Variants in CHST5 observed in about 807,000 individuals in gnomAD.
CHST5 encodes carbohydrate sulfotransferase 5.
For synonymous variants in CHST5, 313 were observed against 279.2 expected (o/e 1.12, Z -1.21); for missense variants, 637 against 602.1 (o/e 1.06, Z -0.61).
intron 2 of CHST5, among the ~76,000 whole-genome samples, chr16:75,534,057 A>T (rs1333940939): frequency 6.6e-6 from 1 of 151,176 alleles, no homozygotes; most frequent in Non-Finnish European, 1.5e-5. Flanking sequence ...AAAAAAAAAA[A>T]AAAAAATTAG....
At chr16:75,535,853 T>C (rs961830523) in intron 1 of CHST5, among the ~76,000 whole-genome samples, 191 bp downstream of exon 1, 2 of 152,268 alleles carry the variant, frequency 1.3e-5, no homozygotes, top group African/African-American at 2.4e-5. Context: ...CAAATGAACG[T>C]TGTAACCCTT....
chr16:75,533,866 C>T (rs961414632), intron 2 of CHST5, among the ~76,000 whole-genome samples: 2 of 151,670 alleles, frequency 1.3e-5, no homozygotes, highest in African/African-American at 4.8e-5. Flanking sequence ...AAGGCAAAAC[C>T]TATCTCTACT....
Position 75,530,921 on chromosome 16 carries a change from T to A in CHST5, c.-537A>T. On this transcript the variant is annotated 5_prime_UTR_variant, in exon 4 of 4. It removes the in-frame stop codon of an upstream open reading frame in the 5' UTR. Transcript: ENST00000336257. ...AGGATCTGGGGGGATTGGGGGGTTA[T>A]TATAATGAAGATGGGGGAAGGGAAC... is the stretch of plus-strand genomic sequence containing the variant. The A allele has an allele frequency of 1.0e-6, 1 of 1,003,232 alleles. No homozygotes were observed. The highest frequency in any genetic ancestry group is 1.7e-5 in the African/African-American group (1 of 57,202). The allele number at this position is 1,003,232 out of a possible 1,614,324, so 62.1% of individuals were successfully genotyped here.
In CHST5 at chr16:75,529,848, T is replaced by G. The variant is rs8048818; in HGVS notation, c.537A>C (p.Pro179=). ...GGCAGGCCTCCCGGGCCAGGCTGAA[T>G]GGCTGCCGCGTGCACAGTGTCTTGC... ...DVCKTLCTRQ[P]FSLAREACRS... The change falls in exon 4 of 4, where the codon CCA becomes CCC. Residue 179 remains proline, a synonymous_variant. Coordinates refer to ENST00000336257, the MANE Select transcript of CHST5 (RefSeq NM_024533.5). 312,155 of 1,613,152 alleles carry G rather than the reference T, an allele frequency of 0.19. 32,069 individuals are homozygous for G. The highest frequency in any genetic ancestry group is 0.32 in the African/African-American group (24,360 of 74,962).
At position 75,530,213 on chromosome 16, in the gene CHST5, C is replaced by T. The variant is rs111693063; in HGVS notation, c.172G>A (p.Gly58Ser). 8.2e-5 allele frequency: 133 copies of T among 1,613,642 alleles called. 1 individual carries two copies. In the South Asian group the frequency reaches 1.2e-3, roughly 15 times the overall value. ...ISRPGPSSPAGGEDRVHVLVL... is the reference protein window; with the variant it reads ...ISRPGPSSPASGEDRVHVLVL... ...AGCACGTGCACACGATCCTCGCCGC[C>T]GGCTGGGGATGAGGGCCCTGGCCGG... The change falls in exon 4 of 4, where the codon GGC becomes AGC. Residue 58 changes from glycine (G) to serine (S), a missense_variant. Gly to Ser is a moderately conservative substitution (Grantham distance 56, BLOSUM62 0). Coordinates refer to ENST00000336257, the MANE Select transcript of CHST5 (RefSeq NM_024533.5).
In CHST5 at chr16:75,536,072, C is replaced by T. The variant is rs1366998874; in HGVS notation, c.-1663G>A. ...GATGACACAGGAATCCGTGCTGCCT[C>T]CCGGTGCAGTGTCCCAGCTGGGAGG... On this transcript the variant is annotated 5_prime_UTR_variant, in exon 1 of 4. Transcript: ENST00000336257. Among the ~76,000 whole-genome samples, 1 of 152,208 alleles carries T rather than the reference C, an allele frequency of 6.6e-6. No individual in the cohort carries two copies. Among genetic ancestry groups the T allele is most frequent in the Non-Finnish European group, 1.5e-5 (1 of 68,024 alleles).
Position 75,528,996 on chromosome 16 carries a change from C to T in CHST5, c.*153G>A, listed in dbSNP as rs568353479. ...AACCGAGAATCAGGAGAGAAAGAAA[C>T]GTGCAGTCCTTGCCTACTTCAGGGG... On this transcript the variant is annotated 3_prime_UTR_variant, in exon 4 of 4. Transcript: ENST00000336257. 5.5e-6 allele frequency: 4 copies of T among 725,398 alleles called. No homozygotes were observed. The highest frequency in any genetic ancestry group is 5.7e-5 in the East Asian group (2 of 34,930). The allele number at this position is 725,398 out of a possible 1,614,324, so 44.9% of individuals were successfully genotyped here. A position where few individuals can be genotyped will look rare whatever the true frequency, so the allele number is the denominator to read the frequency against.
rs1567428482 is a variant in CHST5 at position 75,529,632 on chromosome 16, GT to G, written c.752del (p.Asn251ThrfsTer13). The G allele has an allele frequency of 3.1e-6, 5 of 1,611,182 alleles. No individual in the cohort carries two copies. The highest frequency in any genetic ancestry group is 4.2e-6 in the Non-Finnish European group (5 of 1,178,986). On this transcript the variant is annotated frameshift_variant, in exon 4 of 4. Coordinates refer to ENST00000336257, the MANE Select transcript of CHST5 (RefSeq NM_024533.5). LOFTEE classifies it low-confidence loss of function (END_TRUNC). ...ARDNGIVLGTNGKWVEADPHL... is the reference protein window; with the variant it reads ...ARDNGIVLGTXGKWVEADPHL... ...GAGGGTCGGCCTCCACCCACTTGCC[GT>G]TGGTGCCCAGCACGATGCCGTTGTC...
At position 75,533,146 on chromosome 16, in the gene CHST5, CAG is replaced by C. The variant is rs1004012477; in HGVS notation, c.-1316_-1315del. 4 of 702,404 alleles carry C rather than the reference CAG, an allele frequency of 5.7e-6. No individual in the cohort carries two copies. Among genetic ancestry groups the C allele is most frequent in the South Asian group, 1.5e-5 (1 of 67,600 alleles). The allele number at this position is 702,404 out of a possible 1,614,324, so 43.5% of individuals were successfully genotyped here. A position where few individuals can be genotyped will look rare whatever the true frequency, so the allele number is the denominator to read the frequency against. On this transcript the variant is annotated 5_prime_UTR_variant, in exon 3 of 4. Transcript: ENST00000336257. ...GGTGGTTGAATCACTCTATGCCACA[CAG>C]AGTCTCCAGAAGACCAGTTCCTCAC... is the stretch of plus-strand genomic sequence containing the variant.
Position 75,535,501 on chromosome 16 carries a change from C to T in CHST5, c.-1634-92G>A, listed in dbSNP as rs1257383669. On this transcript the variant is annotated intron_variant, in intron 1 of 3. Coordinates refer to ENST00000336257, the MANE Select transcript of CHST5 (RefSeq NM_024533.5). ...GAAGGACCCGGCGCAGAGCTCCCTC[C>T]GGAGCCCGGCACTGCGGCCCGCGCC... Among the ~76,000 whole-genome samples the T allele has an allele frequency of 2.6e-5, 4 of 152,210 alleles. No individual in the cohort carries two copies. In the East Asian group the frequency reaches 5.8e-4, roughly 22 times the overall value.
rs377370411 is a variant in CHST5 at position 75,536,100 on chromosome 16, T to C, written c.-1691A>G. Among the ~76,000 whole-genome samples, 3 of 151,656 alleles carry C rather than the reference T, an allele frequency of 2.0e-5. No individual in the cohort carries two copies. The highest frequency in any genetic ancestry group is 2.9e-5 in the Non-Finnish European group (2 of 67,902). On this transcript the variant is annotated 5_prime_UTR_variant, in exon 1 of 4. Transcript: ENST00000336257. ...GGTGCAGTGTCCCAGCTGGGAGGAG[T>C]TGAAAGACCAGGTGGCCTTAGGAGC...
In CHST5 at chr16:75,530,736, G is replaced by C; in HGVS notation, c.-352C>G. ...GTGGAGCTAAAAGGGCTTGATGGGG[G>C]CTTCGGTGGATGTCAGAGCACCACC... On this transcript the variant is annotated 5_prime_UTR_variant, in exon 4 of 4. Transcript: ENST00000336257. The C allele has an allele frequency of 9.4e-7, 1 of 1,068,814 alleles. No individual in the cohort carries two copies. The highest frequency in any genetic ancestry group is 1.7e-5 in the African/African-American group (1 of 59,724). 66.2% of individuals were successfully genotyped at this position (1,068,814 alleles called of 1,614,324 possible). A position where few individuals can be genotyped will look rare whatever the true frequency, so the allele number is the denominator to read the frequency against.
rs749508808 is a variant in CHST5 at position 75,529,488 on chromosome 16, C to T, written c.897G>A (p.Ala299=). The T allele has an allele frequency of 9.9e-6, 16 of 1,611,706 alleles. No homozygotes were observed. Among genetic ancestry groups the T allele is most frequent in the African/African-American group, 1.3e-5 (1 of 74,928 alleles). Residue 299 remains alanine (A), a synonymous_variant, in exon 4 of 4, where the codon GCG becomes GCA. Coordinates refer to ENST00000336257, the MANE Select transcript of CHST5 (RefSeq NM_024533.5). ...RYRLVRFEDL[A]REPLAEIRAL... ...CGCGGATCTCTGCCAGCGGCTCCCG[C>T]GCCAGGTCCTCGAAGCGCACCAGGC...
Position 75,530,654 on chromosome 16 carries a change from C to T in CHST5, c.-270G>A. 1 of 1,312,938 alleles carries T rather than the reference C, an allele frequency of 7.6e-7. No individual in the cohort carries two copies. Among genetic ancestry groups the T allele is most frequent in the Non-Finnish European group, 9.8e-7 (1 of 1,024,620 alleles). The allele number at this position is 1,312,938 out of a possible 1,614,324, so 81.3% of individuals were successfully genotyped here. On this transcript the variant is annotated 5_prime_UTR_variant, in exon 4 of 4. Transcript: ENST00000336257. Reference sequence around the variant, plus strand: ...ATCTGTAGAGAGAAATACTATGTTTCAAAGAGAACTCCTGTCTTTTGCTTC... The same window carrying T: ...ATCTGTAGAGAGAAATACTATGTTTTAAAGAGAACTCCTGTCTTTTGCTTC...
chr16:75,529,461 T>C lies in CHST5; in HGVS notation c.924A>G (p.Ala308=), dbSNP rs146706173. The C allele has an allele frequency of 1.9e-6, 3 of 1,612,602 alleles. No homozygotes were observed. The highest frequency in any genetic ancestry group is 1.1e-5 in the South Asian group (1 of 91,072). Residue 308 remains alanine, a synonymous_variant, in exon 4 of 4, where the codon GCA becomes GCG. Coordinates refer to ENST00000336257, the MANE Select transcript of CHST5 (RefSeq NM_024533.5). ...LAREPLAEIR[A]LYAFTGLTLT... ...GGGTCAGGCCGGTGAAGGCGTAGAG[T>C]GCGCGGATCTCTGCCAGCGGCTCCC... is the stretch of plus-strand genomic sequence containing the variant.
Position 75,529,830 on chromosome 16 carries a change from C to A in CHST5, c.555G>T (p.Glu185Asp). 1 of 1,613,664 alleles carries A rather than the reference C, an allele frequency of 6.2e-7. No individual in the cohort carries two copies. The highest frequency in any genetic ancestry group is 8.5e-7 in the Non-Finnish European group (1 of 1,179,918). ...CCACGTGGCTGTAGGAGCGGCAGGC[C>A]TCCCGGGCCAGGCTGAATGGCTGCC... ...CTRQPFSLAR[E>D]ACRSYSHVVL... Residue 185 changes from glutamate to aspartate, a missense_variant, in exon 4 of 4, where the codon GAG becomes GAT. Coordinates refer to ENST00000336257, the MANE Select transcript of CHST5 (RefSeq NM_024533.5).
Position 75,529,788 on chromosome 16 carries a change from G to A in CHST5, c.597C>T (p.Arg199=). ...SYSHVVLKEV[R]FFNLQVLYPL... ...GGTAGAGCACCTGCAGGTTGAAGAA[G>A]CGCACCTCCTTGAGCACCACGTGGC... The change falls in exon 4 of 4, where the codon CGC becomes CGT. Residue 199 remains arginine (R), a synonymous_variant. Transcript: ENST00000336257. 6.2e-7 allele frequency: 1 copy of A among 1,613,812 alleles called. No individual in the cohort carries two copies. The highest frequency in any genetic ancestry group is 8.5e-7 in the Non-Finnish European group (1 of 1,179,918).
At position 75,529,453 on chromosome 16, in the gene CHST5, G is replaced by T; in HGVS notation, c.932C>A (p.Ala311Asp). ...TGGCGTGAGGGTCAGGCCGGTGAAGGCGTAGAGTGCGCGGATCTCTGCCAG... is the reference window on the plus strand; with the variant it reads ...TGGCGTGAGGGTCAGGCCGGTGAAGTCGTAGAGTGCGCGGATCTCTGCCAG... ...EPLAEIRALYAFTGLTLTPQL... is the reference protein window; with the variant it reads ...EPLAEIRALYDFTGLTLTPQL... The change falls in exon 4 of 4, where the codon GCC (alanine) becomes GAC (aspartate). Residue 311 changes from alanine (A) to aspartate (D), a missense_variant. Ala to Asp is a moderately radical substitution (Grantham distance 126). Coordinates refer to ENST00000336257, the MANE Select transcript of CHST5 (RefSeq NM_024533.5). 1.2e-6 allele frequency: 2 copies of T among 1,612,844 alleles called. No homozygotes were observed. Among genetic ancestry groups the T allele is most frequent in the Non-Finnish European group, 1.7e-6 (2 of 1,179,916 alleles).
In CHST5 at chr16:75,529,022, A is replaced by T; in HGVS notation, c.*127T>A. 1 of 1,009,428 alleles carries T rather than the reference A, an allele frequency of 9.9e-7. No individual in the cohort carries two copies. Among genetic ancestry groups the T allele is most frequent in the Non-Finnish European group, 1.4e-6 (1 of 709,056 alleles). 62.5% of individuals were successfully genotyped at this position (1,009,428 alleles called of 1,614,324 possible). A position where few individuals can be genotyped will look rare whatever the true frequency, so the allele number is the denominator to read the frequency against. ...GTGCAGTCCTTGCCTACTTCAGGGG[A>T]GGACCCCAAACTCCCGGTTGATAGT... On this transcript the variant is annotated 3_prime_UTR_variant, in exon 4 of 4. Coordinates refer to ENST00000336257, the MANE Select transcript of CHST5 (RefSeq NM_024533.5).
Sources: allele counts gnomAD v4.1 joint callset (sites outside exome capture counted in the v4.1 genomes callset), GRCh38; gene constraint gnomAD v4.1.1; transcripts MANE v1.5; gene names NCBI Gene and HGNC (gene_info 2026-07-23, HGNC 2026-07-21).